SLC24A3: variants seen among roughly 807,000 people sequenced by gnomAD.
The protein encoded by SLC24A3 is sodium/potassium/calcium exchanger 3.
SLC24A3 carries 28 observed loss-of-function variants against 75.8 expected under a neutral mutation model. That is an observed-to-expected ratio of 0.37 (90% CI 0.27 to 0.51). The LOEUF is 0.51. Among genes scored for constraint, SLC24A3 ranks in the 20% least tolerant of loss-of-function variants. SLC24A3 has a pLI of 0.94. For synonymous variants in SLC24A3, 372 were observed against 334.1 expected (o/e 1.11, Z -1.24); for missense variants, 663 against 847.8 (o/e 0.78, Z 2.71).
intron 6 of SLC24A3, among the ~76,000 whole-genome samples, chr20:19,635,269 A>C (rs1033839747): frequency 1.3e-5 from 2 of 152,240 alleles, no homozygotes; most frequent in African/African-American, 4.8e-5. Context: ...AACAGAAATA[A>C]GATGTGGTTG....
intron 1 of SLC24A3, among the ~76,000 whole-genome samples, chr20:19,253,736 G>A (rs1982730927): frequency 6.6e-6 from 1 of 152,234 alleles, no homozygotes; most frequent in Non-Finnish European, 1.5e-5. Context: ...AAGGAGAGAA[G>A]GAAAGTGCAT....
At chr20:19,362,278 C>T (rs1165194767) in intron 2 of SLC24A3, among the ~76,000 whole-genome samples, 1 of 152,176 alleles carries the variant, frequency 6.6e-6, no homozygotes, top group Non-Finnish European at 1.5e-5. Flanking sequence ...TTTATCATTT[C>T]CAGGGCATTT....
intron 2 of SLC24A3, among the ~76,000 whole-genome samples, chr20:19,371,706 C>A (rs995507887): frequency 3.3e-5 from 5 of 152,110 alleles, no homozygotes; most frequent in Non-Finnish European, 7.4e-5. Context: ...GGGTGGGACC[C>A]CAGACCCAGT....
chr20:19,497,735 A>G (rs965716519), intron 2 of SLC24A3, among the ~76,000 whole-genome samples: 3 of 152,196 alleles, frequency 2.0e-5, no homozygotes, highest in African/African-American at 7.2e-5. Context: ...TCTGTGAAGC[A>G]CAGAGCTCTC....
At chr20:19,247,365 A>G (rs886543701) in intron 1 of SLC24A3, among the ~76,000 whole-genome samples, 5 of 152,226 alleles carry the variant, frequency 3.3e-5, no homozygotes, top group African/African-American at 9.6e-5. Context: ...TTTTTTGACT[A>G]AAAGAAAATT....
intron 3 of SLC24A3, among the ~76,000 whole-genome samples, chr20:19,535,861 T>C (rs1291218479): frequency 6.6e-6 from 1 of 152,176 alleles, no homozygotes; most frequent in Non-Finnish European, 1.5e-5. Flanking sequence ...TTCTGGAGTC[T>C]GGGAAGTCCA....
rs144810785 is a variant in SLC24A3 at position 19,233,234 on chromosome 20, A to G, written c.142+20250A>G. ...CTCCCCAGGCTCCCCGTGGTTGTAC[A>G]AGCCAGCAGCGTTAACGGAAGTGCA... On this transcript the variant is annotated intron_variant, in intron 1 of 16. Coordinates refer to ENST00000328041, the MANE Select transcript of SLC24A3 (RefSeq NM_020689.4). Among the ~76,000 whole-genome samples the G allele has an allele frequency of 1.1e-4, 16 of 152,358 alleles. No individual in the cohort carries two copies. The East Asian group carries it at 2.9e-3, about 28-fold the overall frequency.
rs979637835 is a variant in SLC24A3 at position 19,633,242 on chromosome 20, A to G, written c.613-20820A>G. On this transcript the variant is annotated intron_variant, in intron 6 of 16. Transcript: ENST00000328041. ...AGAAGTTCAAGCTCAATGTATTGGCAGAGTTTACTTCTTCCGAAGCCTTCC... is the reference window on the plus strand; with the variant it reads ...AGAAGTTCAAGCTCAATGTATTGGCGGAGTTTACTTCTTCCGAAGCCTTCC... 7.2e-5 allele frequency among the ~76,000 whole-genome samples: 11 copies of G among 152,356 alleles called. No individual in the cohort carries two copies. The East Asian group carries it at 1.7e-3, about 24-fold the overall frequency.
intron 2 of SLC24A3, among the ~76,000 whole-genome samples, chr20:19,303,862 G>A: frequency 6.6e-6 from 1 of 152,158 alleles, no homozygotes; most frequent in Non-Finnish European, 1.5e-5. Context: ...GAACAGCGTT[G>A]TTGCCAAGTC....
chr20:19,348,271 T>C (rs1985476838), intron 2 of SLC24A3, among the ~76,000 whole-genome samples: 1 of 152,208 alleles, frequency 6.6e-6, no homozygotes, highest in Non-Finnish European at 1.5e-5. Context: ...TGATTTGCTT[T>C]CTTCAAGGAG....
intron 3 of SLC24A3, among the ~76,000 whole-genome samples, chr20:19,543,817 A>C (rs781102086): frequency 1.4e-4 from 21 of 152,260 alleles, no homozygotes; most frequent in Admixed American, 4.6e-4. Flanking sequence ...TCTGAACACA[A>C]GAATCCAGTC....
chr20:19,375,365 A>G (rs1230481952), intron 2 of SLC24A3, among the ~76,000 whole-genome samples: 2 of 152,180 alleles, frequency 1.3e-5, no homozygotes, highest in Non-Finnish European at 2.9e-5. Context: ...CTCTGGGAGA[A>G]AGAAAACTCA....
chr20:19,320,966 T>A (rs545828218), intron 2 of SLC24A3, among the ~76,000 whole-genome samples: 1 of 152,204 alleles, frequency 6.6e-6, no homozygotes, highest in Admixed American at 6.5e-5. Context: ...TATATATGTA[T>A]TGAATATGTG....
chr20:19,677,205 A>T (rs2032535034), intron 9 of SLC24A3, among the ~76,000 whole-genome samples: 4 of 151,546 alleles, frequency 2.6e-5, no homozygotes, highest in Admixed American at 2.6e-4. Context: ...CATGCCTGTG[A>T]TCCCAGCTAT....
At chr20:19,382,645 C>T (rs1986201764) in intron 2 of SLC24A3, among the ~76,000 whole-genome samples, 1 of 152,122 alleles carries the variant, frequency 6.6e-6, no homozygotes, top group South Asian at 2.1e-4. Flanking sequence ...AACACCAAAA[C>T]CCCCAGAGGG....
At position 19,292,225 on chromosome 20, in the gene SLC24A3, G is replaced by A. The variant is rs142484617; in HGVS notation, c.271+11138G>A. 2.4e-3 allele frequency among the ~76,000 whole-genome samples: 364 copies of A among 152,282 alleles called. 2 individuals are homozygous for A. Among genetic ancestry groups the A allele is most frequent in the African/African-American group, 8.6e-3 (356 of 41,564 alleles). Reference sequence around the variant, plus strand: ...ACAGCCAGTGCTCAGTCCCTGAGTGGATGCCCATTTTCCAAGCACCCACTT... The same window carrying A: ...ACAGCCAGTGCTCAGTCCCTGAGTGAATGCCCATTTTCCAAGCACCCACTT... On this transcript the variant is annotated intron_variant, in intron 2 of 16. Coordinates refer to ENST00000328041, the MANE Select transcript of SLC24A3 (RefSeq NM_020689.4).
chr20:19,217,591 G>A (rs994279170), intron 1 of SLC24A3, among the ~76,000 whole-genome samples: 2 of 152,182 alleles, frequency 1.3e-5, no homozygotes, highest in African/African-American at 4.8e-5. Flanking sequence ...AATTTAAATT[G>A]CAGAGCTGAG....
At chr20:19,448,978 T>G (rs1429398342) in intron 2 of SLC24A3, among the ~76,000 whole-genome samples, 1 of 152,210 alleles carries the variant, frequency 6.6e-6, no homozygotes, top group Non-Finnish European at 1.5e-5. Flanking sequence ...CAGCCCCTCC[T>G]GGATGTGCAC....
chr20:19,334,262 C>A (rs370006045), intron 2 of SLC24A3, among the ~76,000 whole-genome samples: 2 of 152,108 alleles, frequency 1.3e-5, no homozygotes, highest in African/African-American at 4.8e-5. Context: ...ATTCTCAGTG[C>A]AGTCAAATGT....
Sources: allele counts gnomAD v4.1 joint callset (sites outside exome capture counted in the v4.1 genomes callset), GRCh38; gene constraint gnomAD v4.1.1; transcripts MANE v1.5; gene names NCBI Gene and HGNC (gene_info 2026-07-23, HGNC 2026-07-21).